BUB1B: variants seen among roughly 807,000 people sequenced by gnomAD.
BUB1B encodes the protein BUB1 mitotic checkpoint serine/threonine kinase B, also known as mitotic checkpoint serine/threonine-protein kinase BUB1 beta.
Under a neutral mutation model 137.7 loss-of-function variants are expected in BUB1B, and 86 were observed. That is an observed-to-expected ratio of 0.62 (90% CI 0.52 to 0.75). The LOEUF is 0.75. Among genes scored for constraint, BUB1B ranks in the 30% least tolerant of loss-of-function variants. BUB1B has a pLI of 0.00. For missense variants in BUB1B, 1,130 were observed against 1,236.9 expected (o/e 0.91, Z 1.30); for synonymous variants, 420 against 417.9 (o/e 1.00, Z -0.06).
At chr15:40,210,263 G>T in intron 18 of BUB1B, 53 bp downstream of exon 18, 1 of 1,299,726 alleles carries the variant, frequency 7.7e-7, no homozygotes. Context: ...ACGGATTGGA[G>T]CAATAACTGT....
At chr15:40,219,131 C>T (rs1378096366) in intron 22 of BUB1B, among the ~76,000 whole-genome samples, 1 of 152,038 alleles carries the variant, frequency 6.6e-6, no homozygotes, top group Non-Finnish European at 1.5e-5. Context: ...AGGCTGATCT[C>T]GAACTCCTGA....
chr15:40,217,445 C>T, intron 20 of BUB1B, 51 bp from the exon 21 acceptor site: 1 of 1,132,246 alleles, frequency 8.8e-7, no homozygotes, highest in South Asian at 1.2e-5. Context: ...AGCTATGCAG[C>T]TTCTTTCATG....
Position 40,209,711 on chromosome 15 carries a change from T to C in BUB1B, c.2220T>C (p.Ser740=). Residue 740 remains serine (S), a synonymous_variant, in exon 17 of 23, where the codon TCT becomes TCC. Coordinates refer to ENST00000287598, the MANE Select transcript of BUB1B (RefSeq NM_001211.6). The part of the protein sequence containing the change: ...LLKSLPELSA[S]AELCIEDRPM... ...AGTCCCTACCAGAGTTAAGTGCCTC[T>C]GCAGAGTTGTGTATAGAAGACAGAC... 1 of 1,614,204 alleles carries C rather than the reference T, an allele frequency of 6.2e-7. No homozygotes were observed. The highest frequency in any genetic ancestry group is 2.2e-5 in the East Asian group (1 of 44,880).
intron 8 of BUB1B, among the ~76,000 whole-genome samples, chr15:40,191,093 G>A (rs1230255562): frequency 6.6e-6 from 1 of 151,962 alleles, no homozygotes; most frequent in Non-Finnish European, 1.5e-5. Context: ...TCGCCATATT[G>A]CCCAGGCTGG....
intron 5 of BUB1B, among the ~76,000 whole-genome samples, chr15:40,180,247 G>GTTTT (rs1566818628): frequency 9.2e-6 from 1 of 108,846 alleles, no homozygotes. Flanking sequence ...TCAACGTTTC[G>GTTTT]TTTCTTTTTT....
intron 3 of BUB1B, 102 bp downstream of exon 3, chr15:40,170,223 C>G: frequency 8.2e-6 from 9 of 1,102,012 alleles, no homozygotes; most frequent in Non-Finnish European, 1.3e-5. Context: ...TCAGAGTAGA[C>G]AGTGGTGTCC....
At chr15:40,215,228 C>T (rs958397064) in intron 20 of BUB1B, among the ~76,000 whole-genome samples, 1 of 152,274 alleles carries the variant, frequency 6.6e-6, no homozygotes, top group African/African-American at 2.4e-5. Flanking sequence ...AATCCCAGCA[C>T]TTTTGGAGGC....
chr15:40,161,150 GA>G lies in BUB1B; in HGVS notation c.-68del. On this transcript the variant is annotated 5_prime_UTR_variant, in exon 1 of 23. Transcript: ENST00000287598. ...GTAGCTCCGAGGGCAGGTTGCGGAA[GA>G]AAGCCCAGGCGGTCTGTGGCCCAGA... 2.5e-6 allele frequency: 4 copies of G among 1,587,014 alleles called. No individual in the cohort carries two copies. The highest frequency in any genetic ancestry group is 3.4e-6 in the Non-Finnish European group (4 of 1,165,472).
intron 14 of BUB1B, among the ~76,000 whole-genome samples, chr15:40,204,811 T>G (rs1319168480): frequency 6.6e-6 from 1 of 151,590 alleles, no homozygotes; most frequent in Non-Finnish European, 1.5e-5. Context: ...TAATTTTTTA[T>G]TTTTTGGAGA....
chr15:40,167,342 CTTTTTTT>C (rs767161007), intron 2 of BUB1B, among the ~76,000 whole-genome samples: 122 of 77,116 alleles, frequency 1.6e-3, no homozygotes, highest in Non-Finnish European at 2.4e-3. Flanking sequence ...TTCATTTTAG[CTTTTTTT>C]TTTTTTTTTT....
rs772816872 is a variant in BUB1B at position 40,202,483 on chromosome 15, T to G, written c.1628+18T>G. ...AATAAAAGGTACGTTGTTTTTTTGTTTTTTTGGTTTTTTTTTACTTAAGAA... is the reference window on the plus strand; with the variant it reads ...AATAAAAGGTACGTTGTTTTTTTGTGTTTTTGGTTTTTTTTTACTTAAGAA... On this transcript the variant is annotated intron_variant, in intron 13 of 22. Coordinates refer to ENST00000287598, the MANE Select transcript of BUB1B (RefSeq NM_001211.6). 62 of 1,605,082 alleles carry G rather than the reference T, an allele frequency of 3.9e-5. 1 individual carries two copies. The South Asian group carries it at 6.4e-4, about 17-fold the overall frequency.
intron 22 of BUB1B, 119 bp from the exon 23 acceptor site, chr15:40,220,445 A>C: frequency 5.0e-6 from 5 of 992,974 alleles, no homozygotes; most frequent in Non-Finnish European, 7.6e-6. Flanking sequence ...CTCTAACCCT[A>C]GAGTTCTAGG....
At chr15:40,193,314 GCATT>G (rs1270261768) in intron 8 of BUB1B, among the ~76,000 whole-genome samples, 1 of 152,078 alleles carries the variant, frequency 6.6e-6, no homozygotes, top group African/African-American at 2.4e-5. Flanking sequence ...ATCCTTGGCA[GCATT>G]CAGTGTTGTC....
At chr15:40,172,107 TTTC>T (rs1446660759) in intron 4 of BUB1B, among the ~76,000 whole-genome samples, 1 of 150,878 alleles carries the variant, frequency 6.6e-6, no homozygotes, top group African/African-American at 2.5e-5. Flanking sequence ...AAGAAATAAA[TTTC>T]TTACTAAAAT....
At chr15:40,198,400 C>G (rs540928002) in intron 9 of BUB1B, among the ~76,000 whole-genome samples, 2 of 152,192 alleles carry the variant, frequency 1.3e-5, no homozygotes, top group African/African-American at 4.8e-5. Flanking sequence ...CTAAGCTGGT[C>G]TCTGAATCTA....
At chr15:40,191,619 G>T (rs1372797365) in intron 8 of BUB1B, among the ~76,000 whole-genome samples, 2 of 152,088 alleles carry the variant, frequency 1.3e-5, no homozygotes, top group Non-Finnish European at 2.9e-5. Flanking sequence ...TTATATTTAG[G>T]TCTGTGATCC....
At position 40,213,290 on chromosome 15, in the gene BUB1B, C is replaced by A. The variant is rs201404371; in HGVS notation, c.2536-42C>A. 5.5e-5 allele frequency: 89 copies of A among 1,609,752 alleles called. No individual in the cohort carries two copies. In the African/African-American group the frequency reaches 9.3e-4, roughly 17 times the overall value. On this transcript the variant is annotated intron_variant, in intron 19 of 22. Transcript: ENST00000287598. The stretch of plus-strand genomic sequence containing the variant: ...GGTATTGAGTATAACTACGATCTGC[C>A]AAACTTGAGAAATAGTGAGTTTTCT...
intron 6 of BUB1B, among the ~76,000 whole-genome samples, chr15:40,184,857 A>G (rs1372481682): frequency 1.3e-5 from 2 of 152,216 alleles, no homozygotes; most frequent in Non-Finnish European, 2.9e-5. Context: ...AGTTTCTGAT[A>G]AAACTAGATA....
chr15:40,198,198 G>A (rs892403067), intron 9 of BUB1B, among the ~76,000 whole-genome samples: 4 of 151,670 alleles, frequency 2.6e-5, no homozygotes, highest in South Asian at 4.2e-4. Flanking sequence ...GAATAAGAAG[G>A]CATTGACCTC....
Sources: allele counts gnomAD v4.1 joint callset (sites outside exome capture counted in the v4.1 genomes callset), GRCh38; gene constraint gnomAD v4.1.1; transcripts MANE v1.5; gene names NCBI Gene and HGNC (gene_info 2026-07-23, HGNC 2026-07-21).